FUT1: variants seen among roughly 807,000 people sequenced by gnomAD.
FUT1 encodes galactoside alpha-(1,2)-fucosyltransferase 1.
For missense variants in FUT1, 476 were observed against 492.7 expected, an observed-to-expected ratio of 0.97 and a Z score of 0.32; for synonymous variants, 215 against 208.7, an observed-to-expected ratio of 1.03 and a Z score of -0.26.
intron 1 of FUT1, among the ~76,000 whole-genome samples, chr19:48,751,714 G>A (rs1039553617): frequency 2.6e-5 from 4 of 152,194 alleles, no homozygotes; most frequent in African/African-American, 4.8e-5. Flanking sequence ...CACTTTGGGA[G>A]GCCAAGGTGG....
chr19:48,752,939 G>C, upstream of FUT1: 11 of 976,350 alleles, frequency 1.1e-5, no homozygotes, highest in Non-Finnish European at 1.3e-5. The surrounding 1 kb of genome is among the most constrained non-coding windows in gnomAD (Gnocchi z 4.3). Flanking sequence ...AGGAGACGGA[G>C]CGCCCAGTTG....
upstream of FUT1, among the ~76,000 whole-genome samples, chr19:48,754,921 G>T (rs997082037): frequency 3.3e-5 from 5 of 151,838 alleles, no homozygotes; most frequent in Non-Finnish European, 5.9e-5. Context: ...AGCAGTCCAG[G>T]CCCCCAGACC....
At position 48,749,828 on chromosome 19, in the gene FUT1, A is replaced by AGG. The variant is rs1345214081; in HGVS notation, c.*354_*355dup. 3.0e-6 allele frequency: 1 copy of AGG among 335,244 alleles called. No homozygotes were observed. Among genetic ancestry groups the AGG allele is most frequent in the African/African-American group, 2.1e-5 (1 of 47,100 alleles). The allele number at this position is 335,244 out of a possible 1,614,324, so 20.8% of individuals were successfully genotyped here. A position where few individuals can be genotyped will look rare whatever the true frequency, so the allele number is the denominator to read the frequency against. On this transcript the variant is annotated 3_prime_UTR_variant, in exon 2 of 2. Coordinates refer to ENST00000645652, the MANE Select transcript of FUT1 (RefSeq NM_001384359.1). ...AATCATATGCTCCTTCAGTCTTTGGAGGACCCAGGGGAGAAGTAACCCCTC... is the reference window on the plus strand; with the variant it reads ...AATCATATGCTCCTTCAGTCTTTGGAGGGGACCCAGGGGAGAAGTAACCCCTC...
At position 48,750,502 on chromosome 19, in the gene FUT1, G is replaced by C; in HGVS notation, c.780C>G (p.Val260=). ...RARHEAPVFV[V]TSNGMEWCKE... ...TACACCACTCCATGCCGTTGCTGGT[G>C]ACCACGAAAACGGGGGCTTCGTGCC... The change falls in exon 2 of 2, where the codon GTC becomes GTG. Residue 260 remains valine (V), a synonymous_variant. Transcript: ENST00000645652. 6.2e-7 allele frequency: 1 copy of C among 1,614,042 alleles called. No homozygotes were observed. The highest frequency in any genetic ancestry group is 8.5e-7 in the Non-Finnish European group (1 of 1,180,042).
rs2033966470 is a variant in FUT1 at position 48,749,845 on chromosome 19, T to G, written c.*339A>C. The G allele has an allele frequency of 2.7e-6, 1 of 365,274 alleles. No individual in the cohort carries two copies. The highest frequency in any genetic ancestry group is 5.2e-6 in the Non-Finnish European group (1 of 193,868). 22.6% of individuals were successfully genotyped at this position (365,274 alleles called of 1,614,324 possible). On this transcript the variant is annotated 3_prime_UTR_variant, in exon 2 of 2. Transcript: ENST00000645652. ...GTCTTTGGAGGACCCAGGGGAGAAGTAACCCCTCTTCTAGAGTAGACCAGA... is the reference window on the plus strand; with the variant it reads ...GTCTTTGGAGGACCCAGGGGAGAAGGAACCCCTCTTCTAGAGTAGACCAGA...
chr19:48,755,202 A>T (rs2034073008), upstream of FUT1: 1 of 152,570 alleles, frequency 6.6e-6, no homozygotes, highest in African/African-American at 2.5e-5. Flanking sequence ...CCTCCCTCAG[A>T]CCCAGGAGTC....
In FUT1 at chr19:48,751,029, G is replaced by C. The variant is rs756804043; in HGVS notation, c.253C>G (p.Pro85Ala). ...ATCTGATTACCAAACCGGCCATTGG[G>C]GTAGACAGTCCAGGTGCCGGAGAGG... ...ASLSGTWTVY[P>A]NGRFGNQMGQ... The change falls in exon 2 of 2, where the codon CCC becomes GCC. Residue 85 changes from proline (P) to alanine (A), a missense_variant. Transcript: ENST00000645652. The C allele has an allele frequency of 1.6e-5, 26 of 1,594,634 alleles. No individual in the cohort carries two copies. In the Admixed American group the frequency reaches 3.9e-4, roughly 24 times the overall value.
At position 48,750,161 on chromosome 19, in the gene FUT1, A is replaced by G; in HGVS notation, c.*23T>C. The stretch of plus-strand genomic sequence containing the variant: ...CTGCTGGCTCTAGAAAGATCAGGCT[A>G]CTTCAGAAAGTCTCCCTGGCTCTCA... On this transcript the variant is annotated 3_prime_UTR_variant, in exon 2 of 2. Transcript: ENST00000645652. 1.9e-6 allele frequency: 3 copies of G among 1,601,006 alleles called. No homozygotes were observed. Among genetic ancestry groups the G allele is most frequent in the Non-Finnish European group, 2.6e-6 (3 of 1,174,302 alleles).
chr19:48,751,454 G>T (rs2034002908), intron 1 of FUT1, among the ~76,000 whole-genome samples, 171 bp from the exon 2 acceptor site: 1 of 152,114 alleles, frequency 6.6e-6, no homozygotes, highest in Admixed American at 6.5e-5. Context: ...CTGAGTCCTA[G>T]GTTTCAGGGA....
chr19:48,751,427 G>A (rs2034002526), intron 1 of FUT1, 144 bp from the exon 2 acceptor site: 2 of 877,044 alleles, frequency 2.3e-6, no homozygotes, highest in East Asian at 5.3e-5. Context: ...GACTCCTGGG[G>A]CTGAGGTAGG....
rs867671972 is a variant in FUT1 at position 48,752,143 on chromosome 19, T to C, written c.-3+347A>G. Reference sequence around the variant, plus strand: ...AAAAAAAAAAAAAAAAAGAAAGTGGTCCAGGTTCCTACACCTTTCCTGAAG... The same window carrying C: ...AAAAAAAAAAAAAAAAAGAAAGTGGCCCAGGTTCCTACACCTTTCCTGAAG... On this transcript the variant is annotated intron_variant, in intron 1 of 1. Transcript: ENST00000645652. The surrounding 1 kb of genome is among the most constrained non-coding windows in gnomAD (Gnocchi z 4.3). Among the ~76,000 whole-genome samples the C allele has an allele frequency of 6.6e-5, 9 of 135,780 alleles. No individual in the cohort carries two copies. The highest frequency in any genetic ancestry group is 7.8e-3 in the Middle Eastern group (2 of 258). The allele number at this position is 135,780 out of a possible 152,430, so 89.1% of individuals were successfully genotyped here.
chr19:48,751,538 C>T (rs1219014350), intron 1 of FUT1, among the ~76,000 whole-genome samples: 1 of 152,128 alleles, frequency 6.6e-6, no homozygotes, highest in Admixed American at 6.5e-5. Context: ...TTTGGCTGGG[C>T]ACTGTGGCTC....
upstream of FUT1, among the ~76,000 whole-genome samples, chr19:48,754,185 C>CA (rs4002472): frequency 0.039 from 2,882 of 73,374 alleles, 71 homozygotes; most frequent in African/African-American, 0.091. Context: ...GACTCCGCCT[C>CA]AAAAAAAAAA....
upstream of FUT1, among the ~76,000 whole-genome samples, chr19:48,755,113 CT>C (rs1568492508): frequency 6.7e-6 from 1 of 149,660 alleles, no homozygotes; most frequent in Non-Finnish European, 1.5e-5. Flanking sequence ...CAGACCAAAG[CT>C]CCCTCCTCCC....
rs2033977824 is a variant in FUT1 at position 48,750,445 on chromosome 19, C to T, written c.837G>A (p.Val279=). Residue 279 remains valine (V), a synonymous_variant, in exon 2 of 2, where the codon GTG becomes GTA. Transcript: ENST00000645652. ...CCTCCTGTCCATCGCCAGCAAACGTCACATCGCCCTGGGAGGTGTCGATGT... is the reference window on the plus strand; with the variant it reads ...CCTCCTGTCCATCGCCAGCAAACGTTACATCGCCCTGGGAGGTGTCGATGT... ...KENIDTSQGD[V]TFAGDGQEAT... 1 of 1,614,136 alleles carries T rather than the reference C, an allele frequency of 6.2e-7. No homozygotes were observed. The highest frequency in any genetic ancestry group is 1.7e-5 in the Admixed American group (1 of 60,008).
In FUT1 at chr19:48,748,554, T is replaced by C. The variant is rs2033942296; in HGVS notation, c.*1630A>G. 6.6e-6 allele frequency: 1 copy of C among 152,024 alleles called. No homozygotes were observed. The highest frequency in any genetic ancestry group is 1.5e-5 in the Non-Finnish European group (1 of 67,944). 9.4% of individuals were successfully genotyped at this position (152,024 alleles called of 1,614,324 possible). On this transcript the variant is annotated 3_prime_UTR_variant, in exon 2 of 2. Coordinates refer to ENST00000645652, the MANE Select transcript of FUT1 (RefSeq NM_001384359.1). ...GGAGCTCTTGGCAGTTTATGAGCTT[T>C]AAAAAAAAGTGTCCCTGGATCCCTG...
rs2033976615 is a variant in FUT1 at position 48,750,402 on chromosome 19, A to C, written c.880T>G (p.Phe294Val). 2 of 1,614,202 alleles carry C rather than the reference A, an allele frequency of 1.2e-6. No homozygotes were observed. The highest frequency in any genetic ancestry group is 1.7e-6 in the Non-Finnish European group (2 of 1,180,038). ...TGGTTGCACTGTGTGAGCAGGGCAA[A>C]GTCTTTCCACGGTGTAGCCTCCTGT... The part of the protein sequence containing the change: ...DGQEATPWKD[F>V]ALLTQCNHTI... Residue 294 changes from phenylalanine to valine, a missense_variant, in exon 2 of 2, where the codon TTT (phenylalanine) becomes GTT (valine). By Grantham distance (50) the Phe-to-Val change is conservative. Coordinates refer to ENST00000645652, the MANE Select transcript of FUT1 (RefSeq NM_001384359.1).
chr19:48,754,675 A>C (rs974156384), upstream of FUT1, among the ~76,000 whole-genome samples: 1 of 152,184 alleles, frequency 6.6e-6, no homozygotes, highest in African/African-American at 2.4e-5. Flanking sequence ...GATCATCTCT[A>C]TATCTAATTT....
chr19:48,751,318 T>C (rs748393593), intron 1 of FUT1, 35 bp from the exon 2 acceptor site: 69 of 1,608,368 alleles, frequency 4.3e-5, no homozygotes, highest in Non-Finnish European at 5.6e-5. Flanking sequence ...GCAAATGCTC[T>C]GAGGCTGAGG....
Sources: allele counts gnomAD v4.1 joint callset (sites outside exome capture counted in the v4.1 genomes callset), GRCh38; gene constraint gnomAD v4.1.1; non-coding constraint Gnocchi (gnomAD v3.1); transcripts MANE v1.5; gene names NCBI Gene and HGNC (gene_info 2026-07-23, HGNC 2026-07-21).